Variants in SEC61B observed in about 807,000 individuals in gnomAD.
The protein encoded by SEC61B is protein transport protein Sec61 subunit beta.
In SEC61B, 7 loss-of-function variants were observed where a neutral mutation model predicts 12.6. The ratio of observed to expected loss-of-function variants is 0.55; its 90% confidence interval spans 0.32 to 1.04. The LOEUF is 1.04. Among genes scored for constraint, SEC61B ranks in the 50% least tolerant of loss-of-function variants. The pLI, the probability that SEC61B is intolerant of heterozygous loss-of-function variation, is 0.05. For missense variants in SEC61B, 107 were observed against 130.1 expected (o/e 0.82, Z 0.86); for synonymous variants, 54 against 50.1 (o/e 1.08, Z -0.33).
intron 2 of SEC61B, chr9:99,222,997 A>C: frequency 5.1e-6 from 1 of 196,134 alleles, no homozygotes. Flanking sequence ...CTCGTCCTAC[A>C]CAAAACTTAG....
At chr9:99,227,535 C>G (rs1038625735) in intron 2 of SEC61B, among the ~76,000 whole-genome samples, 12 of 152,200 alleles carry the variant, frequency 7.9e-5, no homozygotes, top group Non-Finnish European at 1.3e-4. Flanking sequence ...GCTTTGTCCA[C>G]ATGACACAGC....
At chr9:99,224,737 A>G (rs144849496) in intron 2 of SEC61B, among the ~76,000 whole-genome samples, 11 of 152,352 alleles carry the variant, frequency 7.2e-5, no homozygotes, top group African/African-American at 2.6e-4. Flanking sequence ...GTTTCCTTCT[A>G]GAATGGTAGT....
intron 3 of SEC61B, among the ~76,000 whole-genome samples, chr9:99,229,500 G>C (rs1282555083): frequency 1.3e-5 from 2 of 151,990 alleles, no homozygotes; most frequent in East Asian, 3.9e-4. Flanking sequence ...CTACAAGTGC[G>C]CACTACCATG....
At chr9:99,229,812 G>A (rs930502838) in intron 3 of SEC61B, among the ~76,000 whole-genome samples, 6 of 152,124 alleles carry the variant, frequency 3.9e-5, no homozygotes, top group African/African-American at 7.2e-5. Flanking sequence ...ATTACCTTAA[G>A]CATTTATCCT....
chr9:99,227,431 C>T, intron 2 of SEC61B, among the ~76,000 whole-genome samples: 1 of 152,046 alleles, frequency 6.6e-6, no homozygotes, highest in East Asian at 1.9e-4. Flanking sequence ...TTAAAGTAGC[C>T]ATTTTAAGAT....
chr9:99,227,265 C>CA (rs59719935), intron 2 of SEC61B, among the ~76,000 whole-genome samples: 1,005 of 10,586 alleles, frequency 0.095, 137 homozygotes, highest in Non-Finnish European at 0.13. Context: ...AACTCCATCT[C>CA]AAAAAAAAAA....
intron 2 of SEC61B, among the ~76,000 whole-genome samples, chr9:99,227,265 CAAAAAAA>C (rs59719935): frequency 2.8e-4 from 3 of 10,740 alleles, no homozygotes; most frequent in Non-Finnish European, 3.9e-4. Context: ...AACTCCATCT[CAAAAAAA>C]AAAAAAAAAA....
intron 2 of SEC61B, among the ~76,000 whole-genome samples, chr9:99,227,104 A>G (rs1156429280): frequency 6.6e-6 from 1 of 151,948 alleles, no homozygotes; most frequent in Non-Finnish European, 1.5e-5. Flanking sequence ...TGTCTCTACT[A>G]AAAATACAAA....
chr9:99,224,760 T>G (rs1828876589), intron 2 of SEC61B, among the ~76,000 whole-genome samples: 1 of 152,220 alleles, frequency 6.6e-6, no homozygotes, highest in South Asian at 2.1e-4. Context: ...TTAAGTATCA[T>G]TTCATGAGTA....
chr9:99,222,435 T>C lies in SEC61B; in HGVS notation c.3+69T>C, dbSNP rs1053716773. On this transcript the variant is annotated intron_variant, in intron 1 of 3. Coordinates refer to ENST00000223641, the MANE Select transcript of SEC61B (RefSeq NM_006808.3). ...GACTCCTCCTGCTTTGCGCCGTGCT[T>C]TTCCTCTGTAGCTCCCTTGCTTCCC... 1.9e-6 allele frequency: 3 copies of C among 1,611,952 alleles called. No individual in the cohort carries two copies. In the African/African-American group the frequency reaches 4.0e-5, roughly 22 times the overall value.
At chr9:99,229,707 A>G (rs1828937207) in intron 3 of SEC61B, among the ~76,000 whole-genome samples, 1 of 152,132 alleles carries the variant, frequency 6.6e-6, no homozygotes, top group South Asian at 2.1e-4. Context: ...TTTAATTTTT[A>G]TGGGTATACA....
At chr9:99,228,750 A>G (rs558651385) in intron 3 of SEC61B, among the ~76,000 whole-genome samples, 1 of 152,348 alleles carries the variant, frequency 6.6e-6, no homozygotes, top group African/African-American at 2.4e-5. Context: ...GTACTTTGCA[A>G]AGAACTTTCA....
At chr9:99,223,821 G>T (rs1828865686) in intron 2 of SEC61B, among the ~76,000 whole-genome samples, 1 of 152,220 alleles carries the variant, frequency 6.6e-6, no homozygotes, top group Non-Finnish European at 1.5e-5. Context: ...AAGCTCAGGG[G>T]TTATTTCCTC....
intron 2 of SEC61B, among the ~76,000 whole-genome samples, chr9:99,223,649 C>T (rs553676466): frequency 2.0e-5 from 3 of 152,326 alleles, no homozygotes; most frequent in African/African-American, 7.2e-5. Flanking sequence ...GTCTCTGCCT[C>T]CAAAAGTGCT....
chr9:99,228,094 A>G, intron 3 of SEC61B, 94 bp downstream of exon 3: 1 of 974,534 alleles, frequency 1.0e-6, no homozygotes, highest in South Asian at 1.5e-5. Flanking sequence ...GTTTGCCTTG[A>G]TGCGATTTAC....
At position 99,222,282 on chromosome 9, in the gene SEC61B, A is replaced by G. The variant is rs916063360; in HGVS notation, c.-82A>G. On this transcript the variant is annotated 5_prime_UTR_variant, in exon 1 of 4. Transcript: ENST00000223641. ...CAAGTCCGGGGGCGGGGCCTGAGTC[A>G]GTCTCGCCAGCTGCCGGTCTTTCGG... The G allele has an allele frequency of 3.1e-6, 5 of 1,601,948 alleles. No individual in the cohort carries two copies. Among genetic ancestry groups the G allele is most frequent in the Non-Finnish European group, 3.4e-6 (4 of 1,169,206 alleles).
chr9:99,222,846 A>T (rs1828846910), intron 2 of SEC61B: 1 of 485,302 alleles, frequency 2.1e-6, no homozygotes, highest in Non-Finnish European at 3.6e-6. Flanking sequence ...CACTACTCTT[A>T]AAAAAGGAAA....
At chr9:99,225,777 G>A (rs1049002200) in intron 2 of SEC61B, among the ~76,000 whole-genome samples, 9 of 152,146 alleles carry the variant, frequency 5.9e-5, no homozygotes, top group Non-Finnish European at 1.2e-4. Flanking sequence ...GAAATCTTAA[G>A]AGAAGCCAGC....
At chr9:99,223,305 G>C (rs1344163182) in intron 2 of SEC61B, 1 of 147,872 alleles carries the variant, frequency 6.8e-6, no homozygotes, top group Non-Finnish European at 1.5e-5. Context: ...TCTGTTACTT[G>C]TTGCTGAACT....
Sources: allele counts gnomAD v4.1 joint callset (sites outside exome capture counted in the v4.1 genomes callset), GRCh38; gene constraint gnomAD v4.1.1; transcripts MANE v1.5; gene names NCBI Gene and HGNC (gene_info 2026-07-23, HGNC 2026-07-21).